ARHGEF38: variants seen among roughly 807,000 people sequenced by gnomAD.
The protein encoded by ARHGEF38 is Rho guanine nucleotide exchange factor 38.
In ARHGEF38, 79 loss-of-function variants were observed where a neutral mutation model predicts 79.9. The observed-to-expected ratio is 0.99, with a 90% CI of 0.82 to 1.19. The LOEUF (loss-of-function observed/expected upper bound fraction) is 1.19. Ranked by LOEUF, ARHGEF38 falls within the 50% of genes most tolerant of loss-of-function variation. ARHGEF38 has a pLI of 0.00. For missense variants in ARHGEF38, 962 were observed against 907.2 expected (o/e 1.06, Z -0.78); for synonymous variants, 366 against 328.3 (o/e 1.11, Z -1.24).
chr4:105,613,630 C>G (rs1278527362), intron 3 of ARHGEF38, 123 bp downstream of exon 3: 9 of 1,079,074 alleles, frequency 8.3e-6, no homozygotes, highest in Non-Finnish European at 1.2e-5. Context: ...AAATGCTAAA[C>G]CCATCTTTGG....
chr4:105,677,243 G>T (rs948525368), intron 13 of ARHGEF38, among the ~76,000 whole-genome samples: 5 of 152,138 alleles, frequency 3.3e-5, no homozygotes, highest in Non-Finnish European at 7.4e-5. Flanking sequence ...GATTACAGGC[G>T]TGAGCCACCG....
At chr4:105,563,565 T>C (rs1175003196) in intron 1 of ARHGEF38, among the ~76,000 whole-genome samples, 1 of 152,330 alleles carries the variant, frequency 6.6e-6, no homozygotes, top group African/African-American at 2.4e-5. Context: ...AGTGGTCACA[T>C]AGCTATTAAT....
Position 105,653,099 on chromosome 4 carries a change from A to T in ARHGEF38, c.1009-966A>T, listed in dbSNP as rs560517802. Reference sequence around the variant, plus strand: ...GTAGCCATTTTGATAGCCAAGAAATACTGCTTGCTATTAATAGCAGCAATA... The same window carrying T: ...GTAGCCATTTTGATAGCCAAGAAATTCTGCTTGCTATTAATAGCAGCAATA... On this transcript the variant is annotated intron_variant, in intron 7 of 13. Coordinates refer to ENST00000420470, the MANE Select transcript of ARHGEF38 (RefSeq NM_001242729.2). Among the ~76,000 whole-genome samples, 13 of 152,280 alleles carry T rather than the reference A, an allele frequency of 8.5e-5. No individual in the cohort carries two copies. The South Asian group carries it at 2.7e-3, about 32-fold the overall frequency.
Position 105,592,299 on chromosome 4 carries a change from G to T in ARHGEF38, c.384+2864G>T, listed in dbSNP as rs552971940. ...ATCCCATTCAGCCACTCACGCCAGG[G>T]TCATAACCTAGAACTTGCCATTACC... On this transcript the variant is annotated intron_variant, in intron 2 of 13. Coordinates refer to ENST00000420470, the MANE Select transcript of ARHGEF38 (RefSeq NM_001242729.2). Among the ~76,000 whole-genome samples the T allele has an allele frequency of 2.6e-5, 4 of 151,722 alleles. No individual in the cohort carries two copies. In the East Asian group the frequency reaches 7.8e-4, roughly 29 times the overall value.
intron 2 of ARHGEF38, among the ~76,000 whole-genome samples, chr4:105,594,810 A>G (rs1727506559): frequency 6.6e-6 from 1 of 152,216 alleles, no homozygotes; most frequent in Non-Finnish European, 1.5e-5. Flanking sequence ...CAAACTCAGC[A>G]GTTACACATC....
intron 2 of ARHGEF38, among the ~76,000 whole-genome samples, chr4:105,604,922 T>C (rs904133401): frequency 6.6e-6 from 1 of 152,170 alleles, no homozygotes; most frequent in African/African-American, 2.4e-5. Flanking sequence ...TCCAAAAAGT[T>C]TCCAAATTAC....
At chr4:105,586,011 A>C (rs1020074071) in intron 1 of ARHGEF38, among the ~76,000 whole-genome samples, 1 of 152,062 alleles carries the variant, frequency 6.6e-6, no homozygotes, top group Admixed American at 6.5e-5. Context: ...GATTACAGGC[A>C]TGAGCCACTG....
At chr4:105,562,211 C>A (rs1008749875) in intron 1 of ARHGEF38, among the ~76,000 whole-genome samples, 1 of 152,100 alleles carries the variant, frequency 6.6e-6, no homozygotes, top group Non-Finnish European at 1.5e-5. Context: ...TGTTCTGATC[C>A]CCCTCAGTGG....
chr4:105,593,615 T>C (rs1727442864), intron 2 of ARHGEF38, among the ~76,000 whole-genome samples: 1 of 152,182 alleles, frequency 6.6e-6, no homozygotes, highest in Admixed American at 6.5e-5. Context: ...TAGTCCACAT[T>C]TGTATCAAAT....
Position 105,645,657 on chromosome 4 carries a change from G to A in ARHGEF38, c.874+270G>A, listed in dbSNP as rs116571202. 9.7e-3 allele frequency among the ~76,000 whole-genome samples: 1,476 copies of A among 152,272 alleles called. 7 individuals are homozygous for A. Among genetic ancestry groups the A allele is most frequent in the Non-Finnish European group, 0.016 (1,080 of 68,012 alleles). On this transcript the variant is annotated intron_variant, in intron 6 of 13. Transcript: ENST00000420470. ...CACTGCAATCCTGGTGACATATTGTGGGCTGAAGAAACCCATTGCATATAG... is the reference window on the plus strand; with the variant it reads ...CACTGCAATCCTGGTGACATATTGTAGGCTGAAGAAACCCATTGCATATAG...
chr4:105,579,210 G>A, intron 1 of ARHGEF38, among the ~76,000 whole-genome samples: 1 of 151,940 alleles, frequency 6.6e-6, no homozygotes, highest in Non-Finnish European at 1.5e-5. Flanking sequence ...TCACTATTTG[G>A]ATCCCATTTA....
At chr4:105,623,369 A>G (rs3796920) in intron 3 of ARHGEF38, among the ~76,000 whole-genome samples, 28,545 of 152,168 alleles carry the variant, frequency 0.19, 3,351 homozygotes, top group African/African-American at 0.33. Flanking sequence ...GAGATTGCTA[A>G]GTAATATAGA....
rs748476353 is a variant in ARHGEF38, at chr4:105,653,556, C to A, written c.1009-509C>A. Among the ~76,000 whole-genome samples, 4 of 152,078 alleles carry A rather than the reference C, an allele frequency of 2.6e-5. No homozygotes were observed. In the South Asian group the frequency reaches 8.3e-4, roughly 32 times the overall value. On this transcript the variant is annotated intron_variant, in intron 7 of 13. Coordinates refer to ENST00000420470, the MANE Select transcript of ARHGEF38 (RefSeq NM_001242729.2). ...CAGGCTGGACTCGAACTCCTGACCT[C>A]GTGATCCGCCCGCCTTGGCCTCCCA...
chr4:105,659,878 T>TGTGTGG (rs1181509913), intron 10 of ARHGEF38, among the ~76,000 whole-genome samples: 1 of 149,940 alleles, frequency 6.7e-6, no homozygotes, highest in Non-Finnish European at 1.5e-5. Flanking sequence ...TGTGTGTGTG[T>TGTGTGG]GTGTGTGTGT....
At chr4:105,618,367 GT>G (rs1728592615) in intron 3 of ARHGEF38, among the ~76,000 whole-genome samples, 1 of 152,180 alleles carries the variant, frequency 6.6e-6, no homozygotes, top group African/African-American at 2.4e-5. Flanking sequence ...GCTGGGCATG[GT>G]GGCTCACACC....
chr4:105,643,158 G>A, intron 5 of ARHGEF38, among the ~76,000 whole-genome samples: 1 of 149,834 alleles, frequency 6.7e-6, no homozygotes, highest in East Asian at 1.9e-4. Context: ...TATAAATACT[G>A]AAAACAGTTT....
In ARHGEF38 at chr4:105,679,218, A is replaced by G. The variant is rs1167967239; in HGVS notation, c.*1281A>G. 1.5e-6 allele frequency: 1 copy of G among 655,276 alleles called. No homozygotes were observed. Among genetic ancestry groups the G allele is most frequent in the Non-Finnish European group, 2.7e-6 (1 of 363,788 alleles). 40.6% of individuals were successfully genotyped at this position (655,276 alleles called of 1,614,324 possible). A position where few individuals can be genotyped will look rare whatever the true frequency, so the allele number is the denominator to read the frequency against. On this transcript the variant is annotated 3_prime_UTR_variant, in exon 14 of 14. Transcript: ENST00000420470. ...CTGACCAGCCACTCCTCTGTCTGGA[A>G]TTAAAAGATGTTTCCATCATAATAT...
In ARHGEF38 at chr4:105,552,838, A is replaced by G; in HGVS notation, c.73A>G (p.Arg25Gly). 1 of 1,613,968 alleles carries G rather than the reference A, an allele frequency of 6.2e-7. No homozygotes were observed. The highest frequency in any genetic ancestry group is 1.1e-5 in the South Asian group (1 of 91,060). ...KKKNLAFLRS[R>G]LYMLERRKTD... ...AAAGAATCTGGCCTTCTTGAGGTCTAGACTCTATATGCTGGAGAGAAGGAA... is the reference window on the plus strand; with the variant it reads ...AAAGAATCTGGCCTTCTTGAGGTCTGGACTCTATATGCTGGAGAGAAGGAA... Residue 25 changes from arginine (R) to glycine (G), a missense_variant, in exon 1 of 14, where the codon AGA (arginine) becomes GGA (glycine). By Grantham distance (125) the Arg-to-Gly change is moderately radical (BLOSUM62 -2). Coordinates refer to ENST00000420470, the MANE Select transcript of ARHGEF38 (RefSeq NM_001242729.2).
intron 10 of ARHGEF38, among the ~76,000 whole-genome samples, chr4:105,662,947 C>A (rs1730617256): frequency 2.6e-5 from 4 of 152,110 alleles, no homozygotes; most frequent in Admixed American, 2.6e-4. Context: ...TGAGAAATTT[C>A]TAGTGTCTTA....
Sources: allele counts gnomAD v4.1 joint callset (sites outside exome capture counted in the v4.1 genomes callset), GRCh38; gene constraint gnomAD v4.1.1; transcripts MANE v1.5; gene names NCBI Gene and HGNC (gene_info 2026-07-23, HGNC 2026-07-21).